STAC2: variants seen among roughly 807,000 people sequenced by gnomAD.
STAC2 encodes the protein SH3 and cysteine rich domain 2.
A neutral mutation model predicts 49.0 loss-of-function variants in STAC2; 36 were observed. The ratio of observed to expected loss-of-function variants is 0.74; its 90% CI spans 0.56 to 0.97. STAC2 has a LOEUF of 0.97. Ranked by LOEUF, STAC2 falls within the 50% of genes least tolerant of loss-of-function variation. STAC2 has a pLI of 0.00. For synonymous variants in STAC2, 239 were observed against 214.7 expected, an observed-to-expected ratio of 1.11 and a Z score of -0.99; for missense variants, 527 against 543.8, an observed-to-expected ratio of 0.97 and a Z score of 0.31.
At chr17:39,215,727 G>A (rs1003919127) in intron 4 of STAC2, among the ~76,000 whole-genome samples, 5 of 151,858 alleles carry the variant, frequency 3.3e-5, no homozygotes, top group Non-Finnish European at 5.9e-5. Context: ...TTTTCGAGAC[G>A]GAGTCTCGCT....
rs1436919927 is a variant in STAC2 at position 39,211,368 on chromosome 17, TC to T, written c.*923del. ...GGTGCAATCTCGGCTCACTGAAACC[TC>T]CGCCTCCCGGGTTCAAGTGATTCTC... is the stretch of plus-strand genomic sequence containing the variant. On this transcript the variant is annotated 3_prime_UTR_variant, in exon 11 of 11. Coordinates refer to ENST00000333461, the MANE Select transcript of STAC2 (RefSeq NM_198993.5). The T allele has an allele frequency of 6.6e-6, 1 of 151,080 alleles. No individual in the cohort carries two copies. Among genetic ancestry groups the T allele is most frequent in the Non-Finnish European group, 1.5e-5 (1 of 67,974 alleles). The allele number at this position is 151,080 out of a possible 1,614,324, so 9.4% of individuals were successfully genotyped here.
Position 39,211,744 on chromosome 17 carries a change from G to A in STAC2, c.*548C>T, listed in dbSNP as rs1489644939. The A allele has an allele frequency of 6.5e-6, 1 of 152,736 alleles. No individual in the cohort carries two copies. The highest frequency in any genetic ancestry group is 2.4e-5 in the African/African-American group (1 of 41,388). 9.5% of individuals were successfully genotyped at this position (152,736 alleles called of 1,614,324 possible). The stretch of plus-strand genomic sequence containing the variant: ...ACGGAATGACAGAGGTGGAGACCAG[G>A]AGGTGGACTCAGGACCTTCCTATGG... On this transcript the variant is annotated 3_prime_UTR_variant, in exon 11 of 11. Coordinates refer to ENST00000333461, the MANE Select transcript of STAC2 (RefSeq NM_198993.5).
Position 39,218,072 on chromosome 17 carries a change from G to A in STAC2, c.192C>T (p.Thr64=), listed in dbSNP as rs764772803. The change falls in exon 2 of 11, where the codon ACC becomes ACT. Residue 64 remains threonine (T), a synonymous_variant. Transcript: ENST00000333461. Reference sequence around the variant, plus strand: ...GGGTTGGGGGCGTCAGCAGCACCTCGGTGGGGCACTTGAGCTCAGAGCCCG... The same window carrying A: ...GGGTTGGGGGCGTCAGCAGCACCTCAGTGGGGCACTTGAGCTCAGAGCCCG... ...LRSGSELKCP[T]EVLLTPPTPL... The A allele has an allele frequency of 1.1e-5, 17 of 1,612,074 alleles. No individual in the cohort carries two copies. Among genetic ancestry groups the A allele is most frequent in the African/African-American group, 2.7e-5 (2 of 74,900 alleles).
rs1309329022 is a variant in STAC2 at position 39,217,882 on chromosome 17, G to A, written c.382C>T (p.His128Tyr). The change falls in exon 2 of 11, where the codon CAC becomes TAC. Residue 128 changes from histidine to tyrosine, a missense_variant. By Grantham distance (83) the His-to-Tyr change is moderately conservative. Transcript: ENST00000333461. The part of the protein sequence containing the change: ...FKRASPCELC[H>Y]QLIVGNSKQG... ...AGGCACCTACCTACGATGAGCTGGT[G>A]GCACAGCTCACAAGGGCTAGCTCGC... 18 of 1,604,726 alleles carry A rather than the reference G, an allele frequency of 1.1e-5. No homozygotes were observed. The highest frequency in any genetic ancestry group is 2.2e-5 in the South Asian group (2 of 89,526).
At chr17:39,220,998 G>C (rs36092397) in intron 1 of STAC2, among the ~76,000 whole-genome samples, 10,513 of 150,802 alleles carry the variant, frequency 0.07, 388 homozygotes, top group African/African-American at 0.089. Flanking sequence ...GGGTTTCACC[G>C]TGTTAGGCAG....
intron 7 of STAC2, 126 bp from the exon 8 acceptor site, chr17:39,214,456 G>A (rs2046383240): frequency 6.7e-7 from 1 of 1,502,224 alleles, no homozygotes; most frequent in Non-Finnish European, 8.9e-7. Context: ...TCAACGGCAG[G>A]GAGAAGTGAG....
Position 39,214,863 on chromosome 17 carries a change from T to C in STAC2, c.773-2A>G, listed in dbSNP as rs765300670. The C allele has an allele frequency of 6.2e-7, 1 of 1,613,890 alleles. No homozygotes were observed. Among genetic ancestry groups the C allele is most frequent in the Non-Finnish European group, 8.5e-7 (1 of 1,179,958 alleles). On this transcript the variant is annotated splice_acceptor_variant, in intron 6 of 10. Transcript: ENST00000333461. LOFTEE classifies it high-confidence loss of function. ...CTGGGGCTGTGAATACTGGAGATGC[T>C]AGGGGCAGGAGAGGGAAAGGGTGAG...
intron 4 of STAC2, 68 bp from the exon 5 acceptor site, chr17:39,215,298 A>T: frequency 6.5e-7 from 1 of 1,527,206 alleles, no homozygotes; most frequent in Non-Finnish European, 9.1e-7. Flanking sequence ...CCGGCTCAGC[A>T]TGCCCCAGGC....
At position 39,225,354 on chromosome 17, in the gene STAC2, C is replaced by G; in HGVS notation, c.90+59G>C. On this transcript the variant is annotated intron_variant, in intron 1 of 10. Coordinates refer to ENST00000333461, the MANE Select transcript of STAC2 (RefSeq NM_198993.5). The surrounding 1 kb of genome is among the most constrained non-coding windows in gnomAD (Gnocchi z 8.2). Reference sequence around the variant, plus strand: ...GACGCCCGGGCCCACAGGAGGACCCCGCCGGGAAGAGGGCGCCCGGGCCCG... The same window carrying G: ...GACGCCCGGGCCCACAGGAGGACCCGGCCGGGAAGAGGGCGCCCGGGCCCG... 6.8e-7 allele frequency: 1 copy of G among 1,477,350 alleles called. No individual in the cohort carries two copies. The highest frequency in any genetic ancestry group is 1.2e-5 in the South Asian group (1 of 82,644). The allele number at this position is 1,477,350 out of a possible 1,614,324, so 91.5% of individuals were successfully genotyped here. A position where few individuals can be genotyped will look rare whatever the true frequency, so the allele number is the denominator to read the frequency against.
In STAC2 at chr17:39,213,431, G is replaced by A. The variant is rs541440597; in HGVS notation, c.993+76C>T. ...GTCTTTGGGGCCTGGAGAGAAGGTG[G>A]GGGCAGTGCCCATTGGGGGTGGGGG... On this transcript the variant is annotated intron_variant, in intron 9 of 10. Coordinates refer to ENST00000333461, the MANE Select transcript of STAC2 (RefSeq NM_198993.5). 2,090 of 1,558,894 alleles carry A rather than the reference G, an allele frequency of 1.3e-3. 2 individuals carry two copies. Among genetic ancestry groups the A allele is most frequent in the Non-Finnish European group, 1.7e-3 (1,905 of 1,136,158 alleles).
chr17:39,216,857 T>A lies in STAC2; in HGVS notation c.539A>T (p.His180Leu). The A allele has an allele frequency of 1.2e-6, 2 of 1,604,366 alleles. No individual in the cohort carries two copies. Among genetic ancestry groups the A allele is most frequent in the Non-Finnish European group, 1.7e-6 (2 of 1,175,684 alleles). The change falls in exon 4 of 11, where the codon CAT becomes CTT. Residue 180 changes from histidine to leucine, a missense_variant. Coordinates refer to ENST00000333461, the MANE Select transcript of STAC2 (RefSeq NM_198993.5). ...TGTGGCACAGACTGGTGGCGGCTCA[T>A]GCACCAGGAGAGGGGAACTGAAGTT... is the stretch of plus-strand genomic sequence containing the variant. ...RRNFSSPLLV[H>L]EPPPVCATSK...
intron 8 of STAC2, 94 bp downstream of exon 8, chr17:39,214,139 T>G (rs1333734826): frequency 1.4e-6 from 2 of 1,397,564 alleles, no homozygotes; most frequent in Admixed American, 1.8e-5. Flanking sequence ...GCCTCAAGCA[T>G]GCAAGAAGGT....
At chr17:39,212,545 G>T in intron 10 of STAC2, 149 bp from the exon 11 acceptor site, 1 of 632,588 alleles carries the variant, frequency 1.6e-6, no homozygotes, top group Non-Finnish European at 2.8e-6. Flanking sequence ...GATGGGACCA[G>T]ATCCCAGGAG....
intron 7 of STAC2, 64 bp from the exon 8 acceptor site, chr17:39,214,394 C>A: frequency 6.2e-7 from 1 of 1,606,510 alleles, no homozygotes; most frequent in Non-Finnish European, 8.5e-7. Flanking sequence ...ACTCTCCACT[C>A]GCTCTGAGTG....
In STAC2 at chr17:39,214,356, A is replaced by T. The variant is rs553733740; in HGVS notation, c.844-26T>A. ...CTGCGGGAGAATCTCTGGGTCGGTG[A>T]CCGGAAAGCAGCACCCTCACTCCCC... On this transcript the variant is annotated intron_variant, in intron 7 of 10. Transcript: ENST00000333461. 5 of 1,613,266 alleles carry T rather than the reference A, an allele frequency of 3.1e-6. No homozygotes were observed. The African/African-American group carries it at 5.3e-5, about 17-fold the overall frequency.
intron 1 of STAC2, among the ~76,000 whole-genome samples, chr17:39,220,836 G>A (rs1288147745): frequency 6.7e-5 from 10 of 149,244 alleles, no homozygotes; most frequent in East Asian, 2.0e-4. Context: ...TCACTCTGTC[G>A]CCCAGGCTGG....
rs991487295 is a variant in STAC2 at position 39,214,512 on chromosome 17, G to A, written c.844-182C>T. ...CACCCACCCCAAAGCGCACTGGGAC[G>A]GGAATGGAGAGGGGAGCCCCCTTCT... is the stretch of plus-strand genomic sequence containing the variant. On this transcript the variant is annotated intron_variant, in intron 7 of 10. Coordinates refer to ENST00000333461, the MANE Select transcript of STAC2 (RefSeq NM_198993.5). 5 of 951,754 alleles carry A rather than the reference G, an allele frequency of 5.3e-6. No individual in the cohort carries two copies. In the South Asian group the frequency reaches 1.5e-4, roughly 28 times the overall value. 59.0% of individuals were successfully genotyped at this position (951,754 alleles called of 1,614,324 possible).
chr17:39,223,276 T>C (rs921417059), intron 1 of STAC2, among the ~76,000 whole-genome samples: 14 of 152,178 alleles, frequency 9.2e-5, no homozygotes, highest in Admixed American at 4.6e-4. Flanking sequence ...TTGGGCCAGG[T>C]TGAGGTGCAG....
intron 1 of STAC2, among the ~76,000 whole-genome samples, chr17:39,224,840 G>C (rs538803057): frequency 6.6e-6 from 1 of 152,098 alleles, no homozygotes; most frequent in Non-Finnish European, 1.5e-5. Context: ...CCCCGGCCGC[G>C]GCCTCGCGTC....
Sources: gnomAD v4.1 joint callset for allele counts (sites outside exome capture counted in the v4.1 genomes callset) on GRCh38, gnomAD v4.1.1 for gene constraint, Gnocchi (gnomAD v3.1) non-coding constraint, MANE v1.5 for transcripts, NCBI Gene and HGNC (gene_info 2026-07-23, HGNC 2026-07-21) for gene names.